Variants in DRC8 observed in about 807,000 individuals in gnomAD.
DRC8 encodes the protein dynein regulatory complex subunit 8, also known as dynein regulatory complex protein 8.
At chr1:245,030,381 T>C in the DRC8 span, among the ~76,000 whole-genome samples, 3 of 152,350 alleles carry the variant, frequency 2.0e-5, no homozygotes, top group East Asian at 5.8e-4. Flanking sequence ...GAAGGTGTTA[T>C]AAGTAATCCA....
At chr1:245,025,935 T>C in the DRC8 span, among the ~76,000 whole-genome samples, 136,214 of 152,212 alleles carry the variant, frequency 0.89, 62,488 homozygotes, top group Non-Finnish European at 1. Context: ...TCCCCAGCCA[T>C]GTGGAACTGT....
At chr1:245,041,453 G>A in the DRC8 span, among the ~76,000 whole-genome samples, 6 of 152,166 alleles carry the variant, frequency 3.9e-5, no homozygotes, top group African/African-American at 1.4e-4. Context: ...GATTGAGATG[G>A]CCATCAAGAG....
At chr1:245,010,809 G>A in the DRC8 span, among the ~76,000 whole-genome samples, 1 of 150,390 alleles carries the variant, frequency 6.6e-6, no homozygotes, top group African/African-American at 2.5e-5. Flanking sequence ...AGCCTCCCCA[G>A]TAGCTGGGAC....
chr1:245,104,253 C>T, the DRC8 span, among the ~76,000 whole-genome samples: 2 of 152,214 alleles, frequency 1.3e-5, no homozygotes, highest in Non-Finnish European at 2.9e-5. Context: ...CCTGTAATCC[C>T]AGCACCTTGG....
At chr1:244,982,986 C>T in the DRC8 span, among the ~76,000 whole-genome samples, 56 of 152,052 alleles carry the variant, frequency 3.7e-4, no homozygotes, top group Non-Finnish European at 1.2e-4. Flanking sequence ...AGAAGAATTT[C>T]TTGAATCCAG....
the DRC8 span, chr1:245,043,923 C>T: frequency 9.2e-5 from 14 of 152,130 alleles, no homozygotes. Context: ...TATTAAAAAA[C>T]AAGGGTGCTT....
the DRC8 span, among the ~76,000 whole-genome samples, chr1:245,095,743 ATAATAAATTGTGACCAAT>A: frequency 6.6e-6 from 1 of 152,222 alleles, no homozygotes; most frequent in Non-Finnish European, 1.5e-5. Context: ...TTTCACTATT[ATAATAAATTGTGACCAAT>A]ATCCTAGTAG....
chr1:245,017,375 G>A, the DRC8 span: 1 of 1,530,910 alleles, frequency 6.5e-7, no homozygotes, highest in East Asian at 2.3e-5. Context: ...ACTGATACAA[G>A]TCATAAGATA....
At chr1:245,055,437 T>G in the DRC8 span, among the ~76,000 whole-genome samples, 1 of 152,162 alleles carries the variant, frequency 6.6e-6, no homozygotes, top group East Asian at 1.9e-4. Flanking sequence ...CTGCCATCTC[T>G]GTCTCCTGAG....
At chr1:245,059,331 C>A in the DRC8 span, 1 of 1,254,240 alleles carries the variant, frequency 8.0e-7, no homozygotes, top group Non-Finnish European at 1.1e-6. Context: ...TTTGGAGAAA[C>A]CTGGCCTTTT....
the DRC8 span, among the ~76,000 whole-genome samples, chr1:244,979,292 C>CT: frequency 0.013 from 691 of 51,380 alleles, 167 homozygotes; most frequent in African/African-American, 0.057. Context: ...CGAAGCTTAT[C>CT]TTTTTTTTTT....
At chr1:244,993,882 G>A in the DRC8 span, among the ~76,000 whole-genome samples, 1 of 152,154 alleles carries the variant, frequency 6.6e-6, no homozygotes. Context: ...CACCTCTTAA[G>A]CTTCCACCTC....
At chr1:245,089,091 A>G in the DRC8 span, among the ~76,000 whole-genome samples, 1 of 152,166 alleles carries the variant, frequency 6.6e-6, no homozygotes, top group South Asian at 2.1e-4. This position sits in a 1 kb window ranked among gnomAD's most constrained non-coding sequence, Gnocchi z 4.8. Context: ...TTTGTAGGCT[A>G]TTTGGTTGGT....
chr1:245,021,852 T>C, the DRC8 span, among the ~76,000 whole-genome samples: 1 of 152,216 alleles, frequency 6.6e-6, no homozygotes, highest in Non-Finnish European at 1.5e-5. Flanking sequence ...ATACATATTT[T>C]GTTTTAGAGA....
the DRC8 span, among the ~76,000 whole-genome samples, chr1:244,986,673 G>T: frequency 6.6e-6 from 1 of 151,382 alleles, no homozygotes. Flanking sequence ...GTTCGAGGAT[G>T]CAGTGAGCTA....
chr1:245,020,153 C>T, the DRC8 span, among the ~76,000 whole-genome samples: 1 of 152,134 alleles, frequency 6.6e-6, no homozygotes, highest in African/African-American at 2.4e-5. Context: ...TCTAGGTCCC[C>T]TGAGAGGTCT....
chr1:245,017,410 C>T, the DRC8 span: 1 of 1,340,090 alleles, frequency 7.5e-7, no homozygotes, highest in East Asian at 2.4e-5. Context: ...TCTCTTTTTA[C>T]ACTGTACCTT....
At chr1:245,098,575 G>A in the DRC8 span, among the ~76,000 whole-genome samples, 7 of 152,138 alleles carry the variant, frequency 4.6e-5, no homozygotes, top group Non-Finnish European at 7.4e-5. Context: ...AGTGTCCTTC[G>A]GAGTCCCTGA....
chr1:244,977,887 T>TCA, the DRC8 span, among the ~76,000 whole-genome samples: 1 of 152,196 alleles, frequency 6.6e-6, no homozygotes, highest in Admixed American at 6.5e-5. Context: ...GTCCACTTGT[T>TCA]GGGTTGCAGC....
Sources: gnomAD v4.1 joint callset for allele counts (sites outside exome capture counted in the v4.1 genomes callset) on GRCh38, gnomAD v4.1.1 for gene constraint, Gnocchi (gnomAD v3.1) non-coding constraint, MANE v1.5 for transcripts, NCBI Gene and HGNC (gene_info 2026-07-23, HGNC 2026-07-21) for gene names.